Variants in MTUS2 observed in about 807,000 individuals in gnomAD.
The protein encoded by MTUS2 is microtubule-associated tumor suppressor candidate 2.
A neutral mutation model predicts 114.1 loss-of-function variants in MTUS2; 40 were observed. That is an observed-to-expected ratio of 0.35 (90% CI 0.27 to 0.46). The LOEUF (loss-of-function observed/expected upper bound fraction) is 0.46, where lower values mean the gene tolerates loss of function less well. Among genes scored for constraint, MTUS2 ranks in the 20% least tolerant of loss-of-function variants. MTUS2 has a pLI of 1.00. For synonymous variants in MTUS2, 688 were observed against 672.0 expected, an observed-to-expected ratio of 1.02 and a Z score of -0.37; for missense variants, 1,679 against 1,705.4, an observed-to-expected ratio of 0.98 and a Z score of 0.27.
At chr13:28,867,397 A>G (rs77165941) in intron 2 of MTUS2, among the ~76,000 whole-genome samples, 388 of 152,336 alleles carry the variant, frequency 2.5e-3, no homozygotes, top group African/African-American at 9.0e-3. Flanking sequence ...TGTATTAACC[A>G]ATAATACAAA....
At chr13:28,980,061 C>T (rs983230890) in intron 2 of MTUS2, among the ~76,000 whole-genome samples, 11 of 152,134 alleles carry the variant, frequency 7.2e-5, no homozygotes, top group East Asian at 3.9e-4. Flanking sequence ...CTACATGATG[C>T]GTTTTGAAAA....
chr13:28,830,929 T>C (rs1874628002), intron 1 of MTUS2, among the ~76,000 whole-genome samples: 1 of 152,112 alleles, frequency 6.6e-6, no homozygotes, highest in South Asian at 2.1e-4. Flanking sequence ...GCAAAACTAT[T>C]ATTCAAAAAA....
intron 4 of MTUS2, among the ~76,000 whole-genome samples, chr13:29,059,228 A>ATTTTTTTTTTTTTTTTTTTTTTTT (rs35369352): frequency 1.0e-5 from 1 of 97,128 alleles, no homozygotes; most frequent in African/African-American, 4.0e-5. Context: ...TATTCTTTGG[A>ATTTTTTTTTTTTTTTTTTTTTTTT]TTTTTTTTTT....
chr13:29,445,931 A>G (rs776828267), intron 9 of MTUS2, among the ~76,000 whole-genome samples: 2 of 151,788 alleles, frequency 1.3e-5, no homozygotes, highest in African/African-American at 4.8e-5. Flanking sequence ...GAGAGAGTTT[A>G]TATAATTCTA....
chr13:28,995,293 G>T (rs1006890194), intron 2 of MTUS2, among the ~76,000 whole-genome samples: 1 of 152,184 alleles, frequency 6.6e-6, no homozygotes, highest in African/African-American at 2.4e-5. Flanking sequence ...GTGCTGTTTG[G>T]TTACTGTAGC....
intron 7 of MTUS2, among the ~76,000 whole-genome samples, chr13:29,331,248 G>A (rs527395228): frequency 6.6e-5 from 10 of 152,116 alleles, no homozygotes; most frequent in African/African-American, 2.4e-4. Context: ...GTCTAGTATT[G>A]GTGTATAGGA....
intron 2 of MTUS2, among the ~76,000 whole-genome samples, chr13:28,869,838 A>G (rs538154537): frequency 9.9e-5 from 15 of 152,260 alleles, no homozygotes; most frequent in Non-Finnish European, 1.9e-4. Context: ...CCTATATTTT[A>G]TGTGTCTGTC....
chr13:29,503,153 G>A lies in MTUS2; in HGVS notation c.4057G>A (p.Gly1353Ser). The A allele has an allele frequency of 6.2e-7, 1 of 1,614,194 alleles. No individual in the cohort carries two copies. Among genetic ancestry groups the A allele is most frequent in the Non-Finnish European group, 8.5e-7 (1 of 1,180,044 alleles). Residue 1353 changes from glycine to serine, a missense_variant, in exon 16 of 16, where the codon GGC becomes AGC. By Grantham distance (56) the Gly-to-Ser change is moderately conservative. Around this residue, in one of 3 missense-constraint regions of MTUS2, gnomAD observed 822 missense variants for 899.7 expected, o/e 0.91. Coordinates refer to ENST00000612955, the MANE Select transcript of MTUS2 (RefSeq NM_001033602.4). ...KLSPTSPVYR[G>S]SSSGPSSPAR... The stretch of plus-strand genomic sequence containing the variant: ...CTCGCCCACATCTCCCGTTTACCGC[G>A]GCTCCTCCTCGGGGCCCTCCTCTCC...
chr13:29,152,319 G>A (rs929970662), intron 5 of MTUS2, among the ~76,000 whole-genome samples: 31 of 152,136 alleles, frequency 2.0e-4, no homozygotes, highest in Admixed American at 1.8e-3. Context: ...TTAATATGTG[G>A]AGTAAAACTA....
intron 4 of MTUS2, among the ~76,000 whole-genome samples, chr13:29,088,699 T>C (rs1889807154): frequency 6.6e-6 from 1 of 152,268 alleles, no homozygotes; most frequent in African/African-American, 2.4e-5. Context: ...GAACCCTTTA[T>C]GATTATGTAA....
intron 2 of MTUS2, among the ~76,000 whole-genome samples, chr13:28,884,564 G>T (rs1878477175): frequency 7.9e-6 from 1 of 126,864 alleles, no homozygotes; most frequent in African/African-American, 3.0e-5. Flanking sequence ...AATAAAAATT[G>T]CATAGATCTA....
At chr13:29,204,250 G>A (rs1895087396) in intron 5 of MTUS2, among the ~76,000 whole-genome samples, 1 of 152,178 alleles carries the variant, frequency 6.6e-6, no homozygotes, top group Non-Finnish European at 1.5e-5. Flanking sequence ...TAACCACCAT[G>A]CCCGGCCATG....
At chr13:29,251,648 T>C (rs1166458402) in intron 5 of MTUS2, among the ~76,000 whole-genome samples, 1 of 152,220 alleles carries the variant, frequency 6.6e-6, no homozygotes, top group East Asian at 1.9e-4. Flanking sequence ...TCTACTTTTC[T>C]CATCTCTATG....
At chr13:29,333,592 G>GT (rs1414020893) in intron 7 of MTUS2, among the ~76,000 whole-genome samples, 1 of 152,198 alleles carries the variant, frequency 6.6e-6, no homozygotes, top group East Asian at 1.9e-4. Flanking sequence ...TTTCTGAGGA[G>GT]TTTTTTACTT....
chr13:29,196,437 T>A lies in MTUS2; in HGVS notation c.2645-85267T>A, dbSNP rs868122773. On this transcript the variant is annotated intron_variant, in intron 5 of 15. Coordinates refer to ENST00000612955, the MANE Select transcript of MTUS2 (RefSeq NM_001033602.4). ...AAAAATATTAATATTTTTCCTCAAT[T>A]TTTTTTTTGACTGTGGGAAAATGCA... Among the ~76,000 whole-genome samples, 23 of 4,674 alleles carry A rather than the reference T, an allele frequency of 4.9e-3. No homozygotes were observed. In the South Asian group the frequency reaches 0.056, roughly 11 times the overall value. The allele number at this position is 4,674 out of a possible 152,430, so 3.1% of individuals were successfully genotyped here. A position where few individuals can be genotyped will look rare whatever the true frequency, so the allele number is the denominator to read the frequency against.
At chr13:29,074,022 TTC>T (rs1309965120) in intron 4 of MTUS2, among the ~76,000 whole-genome samples, 2 of 152,212 alleles carry the variant, frequency 1.3e-5, no homozygotes, top group East Asian at 3.9e-4. Flanking sequence ...ACACCAGGAT[TTC>T]TCTCTTTATT....
intron 7 of MTUS2, among the ~76,000 whole-genome samples, chr13:29,336,586 T>C (rs1901076381): frequency 6.6e-6 from 1 of 152,206 alleles, no homozygotes; most frequent in Admixed American, 6.5e-5. Flanking sequence ...TGACCCCTGC[T>C]GGGAGGTATC....
chr13:28,942,209 C>T lies in MTUS2; in HGVS notation c.-242-82248C>T, dbSNP rs188202989. Reference sequence around the variant, plus strand: ...CATGCACTTCACAAACGAGGATATCCAAATGGCCAATAAATAAAGATGCTC... The same window carrying T: ...CATGCACTTCACAAACGAGGATATCTAAATGGCCAATAAATAAAGATGCTC... On this transcript the variant is annotated intron_variant, in intron 2 of 15. Transcript: ENST00000612955. Among the ~76,000 whole-genome samples, 215 of 152,038 alleles carry T rather than the reference C, an allele frequency of 1.4e-3. 1 individual carries two copies. Among genetic ancestry groups the T allele is most frequent in the African/African-American group, 4.7e-3 (195 of 41,458 alleles).
In MTUS2 at chr13:29,035,481, T is replaced by C. The variant is rs112877311; in HGVS notation, c.2446+1356T>C. ...GCCAGTAGCTCTTGGCTTGGCCTGG[T>C]CACTTGGCCGATTGCAGGCAGCAGG... On this transcript the variant is annotated intron_variant, in intron 4 of 15. Coordinates refer to ENST00000612955, the MANE Select transcript of MTUS2 (RefSeq NM_001033602.4). Among the ~76,000 whole-genome samples the C allele has an allele frequency of 2.2e-3, 332 of 152,342 alleles. 1 individual carries two copies. The highest frequency in any genetic ancestry group is 7.5e-3 in the African/African-American group (313 of 41,588).
Sources: allele counts gnomAD v4.1 joint callset (sites outside exome capture counted in the v4.1 genomes callset), GRCh38; gene constraint gnomAD v4.1.1; regional missense constraint gnomAD v4.1.1; transcripts MANE v1.5; gene names NCBI Gene and HGNC (gene_info 2026-07-23, HGNC 2026-07-21).